The following DPP10 variants were observed in gnomAD, a reference collection of about 807,000 sequenced individuals.
DPP10 encodes dipeptidyl peptidase like 10.
In DPP10, 33 loss-of-function variants were observed where a neutral mutation model predicts 120.9. The ratio of observed to expected loss-of-function variants is 0.27; its 90% confidence interval spans 0.21 to 0.37. DPP10 has a LOEUF of 0.37. Ranked by LOEUF, DPP10 falls within the 10% of genes least tolerant of loss-of-function variation. The probability of loss-of-function intolerance (pLI) is 1.00; values close to 1 mark genes in which losing one functional copy is unlikely to be tolerated. For synonymous variants in DPP10, 337 were observed against 326.1 expected (o/e 1.03, Z -0.36); for missense variants, 816 against 942.8 (o/e 0.87, Z 1.76).
chr2:114,483,140 G>T lies in DPP10; in HGVS notation c.60+40302G>T, dbSNP rs75724235. Among the ~76,000 whole-genome samples the T allele has an allele frequency of 3.2e-4, 49 of 152,140 alleles. 1 individual carries two copies. The East Asian group carries it at 9.5e-3, about 29-fold the overall frequency. The stretch of plus-strand genomic sequence containing the variant: ...CTTAACAGAATTGGTTGAATATTTT[G>T]TTGTCACCAGAGCCAGTCAAAACCC... On this transcript the variant is annotated intron_variant, in intron 1 of 25. Transcript: ENST00000410059.
chr2:115,400,095 T>C (rs912286006), intron 3 of DPP10, among the ~76,000 whole-genome samples: 8 of 152,004 alleles, frequency 5.3e-5, no homozygotes, highest in African/African-American at 1.9e-4. Context: ...AAATCACTCA[T>C]TCACTATCAT....
intron 1 of DPP10, among the ~76,000 whole-genome samples, chr2:114,447,989 C>T (rs1005852856): frequency 6.6e-6 from 1 of 152,138 alleles, no homozygotes; most frequent in African/African-American, 2.4e-5. Flanking sequence ...CTGCTAATGA[C>T]AAATTTATCA....
chr2:115,131,438 G>A (rs556136945), intron 1 of DPP10, among the ~76,000 whole-genome samples: 5 of 152,026 alleles, frequency 3.3e-5, no homozygotes, highest in African/African-American at 1.2e-4. Context: ...GCTTGAGTCC[G>A]GGAGGTCAAG....
At chr2:115,483,380 A>G (rs2075556754) in intron 3 of DPP10, among the ~76,000 whole-genome samples, 1 of 152,036 alleles carries the variant, frequency 6.6e-6, no homozygotes, top group African/African-American at 2.4e-5. Flanking sequence ...TTTCAACCCA[A>G]ATCTCTGAAA....
At chr2:114,450,678 T>C (rs1678212518) in intron 1 of DPP10, among the ~76,000 whole-genome samples, 1 of 151,870 alleles carries the variant, frequency 6.6e-6, no homozygotes, top group South Asian at 2.1e-4. Flanking sequence ...TCCTCAGGGA[T>C]TGTGAGAACA....
intron 1 of DPP10, among the ~76,000 whole-genome samples, chr2:115,236,738 T>C (rs2105528901): frequency 6.6e-6 from 1 of 152,196 alleles, no homozygotes; most frequent in East Asian, 1.9e-4. Flanking sequence ...TTCACTTAAG[T>C]CTTAAGAGAC....
intron 1 of DPP10, among the ~76,000 whole-genome samples, chr2:115,252,238 G>A (rs1221739915): frequency 6.6e-6 from 1 of 152,082 alleles, no homozygotes; most frequent in African/African-American, 2.4e-5. Flanking sequence ...TCAATAAACT[G>A]TTGATTAAAT....
chr2:115,820,542 T>A (rs181826373), intron 21 of DPP10, among the ~76,000 whole-genome samples: 2 of 152,052 alleles, frequency 1.3e-5, no homozygotes, highest in East Asian at 3.9e-4. Context: ...AGCAGAGAAG[T>A]GTATTGTACC....
chr2:115,520,516 T>C (rs2148876231), intron 4 of DPP10, among the ~76,000 whole-genome samples: 1 of 152,220 alleles, frequency 6.6e-6, no homozygotes, highest in African/African-American at 2.4e-5. Flanking sequence ...AGCATGATTT[T>C]TTTTTTTAAT....
Position 115,397,467 on chromosome 2 carries a change from A to C in DPP10, c.271+53555A>C, listed in dbSNP as rs1235428939. On this transcript the variant is annotated intron_variant, in intron 3 of 25. Transcript: ENST00000410059. ...TAGTGTGCCATAGTCATATTATTAT[A>C]AGGGACTAGAGTTATATTCTAAGTC... Among the ~76,000 whole-genome samples the C allele has an allele frequency of 2.6e-5, 4 of 152,328 alleles. No homozygotes were observed. The East Asian group carries it at 7.7e-4, about 29-fold the overall frequency.
intron 1 of DPP10, among the ~76,000 whole-genome samples, chr2:114,728,727 T>A (rs1676592551): frequency 6.6e-6 from 1 of 152,224 alleles, no homozygotes. Context: ...CAATGAGCTC[T>A]AATCGTCTAT....
intron 1 of DPP10, among the ~76,000 whole-genome samples, chr2:114,950,110 T>C (rs1697662872): frequency 6.6e-6 from 1 of 152,176 alleles, no homozygotes; most frequent in African/African-American, 2.4e-5. Context: ...GTGTTTAAGA[T>C]TATCTTTCCT....
chr2:115,040,806 C>T (rs903723249), intron 1 of DPP10, among the ~76,000 whole-genome samples: 1 of 152,068 alleles, frequency 6.6e-6, no homozygotes, highest in Non-Finnish European at 1.5e-5. Context: ...TCTCCTGTCG[C>T]CTTCTGCCAT....
intron 2 of DPP10, among the ~76,000 whole-genome samples, chr2:115,342,819 T>G (rs1400315103): frequency 6.6e-6 from 1 of 152,202 alleles, no homozygotes; most frequent in Admixed American, 6.5e-5. Context: ...TCTTGGCAGT[T>G]ATTTTATGGG....
intron 1 of DPP10, among the ~76,000 whole-genome samples, chr2:114,645,570 G>T (rs1205251875): frequency 6.6e-6 from 1 of 152,156 alleles, no homozygotes; most frequent in African/African-American, 2.4e-5. Flanking sequence ...TTTTGAAGTT[G>T]TTTTGACACT....
chr2:114,957,035 T>G (rs930404178), intron 1 of DPP10, among the ~76,000 whole-genome samples: 37 of 144,016 alleles, frequency 2.6e-4, no homozygotes, highest in Admixed American at 4.1e-4. Flanking sequence ...TGAGCAAAGG[T>G]TTCTTGGATA....
At chr2:115,510,658 C>T (rs181725989) in intron 4 of DPP10, among the ~76,000 whole-genome samples, 219 of 152,048 alleles carry the variant, frequency 1.4e-3, no homozygotes, top group South Asian at 0.012. Context: ...AAGATCAACT[C>T]GTAAAATTTG....
chr2:114,513,023 G>C (rs183248628), intron 1 of DPP10, among the ~76,000 whole-genome samples: 175 of 152,258 alleles, frequency 1.1e-3, no homozygotes, highest in African/African-American at 4.1e-3. Context: ...AAAGGAGGAA[G>C]GGGGAGGGAA....
chr2:115,714,607 G>C (rs897936245), intron 7 of DPP10, among the ~76,000 whole-genome samples: 9 of 152,162 alleles, frequency 5.9e-5, no homozygotes, highest in African/African-American at 2.2e-4. Context: ...TAGCATACAT[G>C]TCTTTGCCTT....
Sources: gnomAD v4.1 joint callset for allele counts (sites outside exome capture counted in the v4.1 genomes callset) on GRCh38, gnomAD v4.1.1 for gene constraint, MANE v1.5 for transcripts, NCBI Gene and HGNC (gene_info 2026-07-23, HGNC 2026-07-21) for gene names.